The following MKLN1 variants were observed in gnomAD, a reference collection of about 807,000 sequenced individuals.
The protein encoded by MKLN1 is muskelin 1.
A neutral mutation model predicts 99.0 loss-of-function variants in MKLN1; 18 were observed. The observed-to-expected ratio is 0.18, with a 90% confidence interval of 0.13 to 0.27. MKLN1 has a LOEUF of 0.27. MKLN1 is among the 10% of genes least tolerant of loss of function. The probability of loss-of-function intolerance (pLI) is 1.00; values close to 1 mark genes in which losing one functional copy is unlikely to be tolerated. For synonymous variants in MKLN1, 288 were observed against 293.2 expected, an observed-to-expected ratio of 0.98 and a Z score of 0.18; for missense variants, 621 against 875.9, an observed-to-expected ratio of 0.71 and a Z score of 3.67.
chr7:131,411,816 A>C (rs1238729697), intron 7 of MKLN1, among the ~76,000 whole-genome samples: 1 of 145,820 alleles, frequency 6.9e-6, no homozygotes, highest in South Asian at 2.2e-4. Flanking sequence ...CTGGGGTAGG[A>C]GAATCACTTG....
intron 4 of MKLN1, among the ~76,000 whole-genome samples, chr7:131,394,610 G>A (rs1794303267): frequency 6.6e-6 from 1 of 152,046 alleles, no homozygotes; most frequent in South Asian, 2.1e-4. Flanking sequence ...CCAGGGACCT[G>A]TACAGGTTTG....
intron 3 of MKLN1, among the ~76,000 whole-genome samples, chr7:131,263,368 T>TAATAATAATAATAATAAA (rs373239401): frequency 0.084 from 11,673 of 139,674 alleles, 634 homozygotes; most frequent in Non-Finnish European, 0.12. Context: ...ATAATAATAA[T>TAATAATAATAATAATAAA]AATAAAATTA....
rs1332598294 is a variant in MKLN1, at chr7:131,491,343, C to CGAATTCAATCTTGGTGTGAAGATT, written c.*3617_*3618insATTCAATCTTGGTGTGAAGATTGA. On this transcript the variant is annotated 3_prime_UTR_variant, in exon 18 of 18. Coordinates refer to ENST00000352689, the MANE Select transcript of MKLN1 (RefSeq NM_013255.5). ...AAGTTTTGAATTCCTAAGGTAGCCC[C>CGAATTCAATCTTGGTGTGAAGATT]GATCTAGGATGTGAAGGCTGCCCAG... 1 of 151,960 alleles carries CGAATTCAATCTTGGTGTGAAGATT rather than the reference C, an allele frequency of 6.6e-6. No homozygotes were observed. Among genetic ancestry groups the CGAATTCAATCTTGGTGTGAAGATT allele is most frequent in the Non-Finnish European group, 1.5e-5 (1 of 68,004 alleles). The allele number at this position is 151,960 out of a possible 1,614,324, so 9.4% of individuals were successfully genotyped here. A position where few individuals can be genotyped will look rare whatever the true frequency, so the allele number is the denominator to read the frequency against.
chr7:131,403,182 T>A (rs1794599701), intron 6 of MKLN1, among the ~76,000 whole-genome samples: 1 of 152,178 alleles, frequency 6.6e-6, no homozygotes, highest in Admixed American at 6.5e-5. Context: ...ACTTGCTGCA[T>A]CTTCTATAAT....
chr7:131,450,060 A>C (rs544584505), intron 12 of MKLN1, among the ~76,000 whole-genome samples: 1 of 152,014 alleles, frequency 6.6e-6, no homozygotes, highest in Non-Finnish European at 1.5e-5. Context: ...AGTCATGCCA[A>C]TTTTGCCTCA....
chr7:131,294,334 A>G (rs1402770930), intron 3 of MKLN1, among the ~76,000 whole-genome samples: 1 of 152,230 alleles, frequency 6.6e-6, no homozygotes, highest in Non-Finnish European at 1.5e-5. Flanking sequence ...CTAATGCTTC[A>G]ACGGTTAAAA....
At chr7:131,486,226 A>G (rs1797271012) in intron 17 of MKLN1, among the ~76,000 whole-genome samples, 1 of 148,824 alleles carries the variant, frequency 6.7e-6, no homozygotes, top group Non-Finnish European at 1.5e-5. Context: ...TTTTCAAAAT[A>G]AAAAGTTGAA....
At chr7:131,128,710 T>C (rs560002672) in intron 1 of MKLN1, among the ~76,000 whole-genome samples, 129 of 152,104 alleles carry the variant, frequency 8.5e-4, no homozygotes, top group Non-Finnish European at 1.6e-3. Context: ...CTTGAACTCC[T>C]GGGCTCAAGC....
chr7:131,436,806 C>G (rs1563347346), intron 9 of MKLN1, among the ~76,000 whole-genome samples: 2 of 152,076 alleles, frequency 1.3e-5, no homozygotes, highest in African/African-American at 4.8e-5. Context: ...TTATTGGGTC[C>G]TGTGATACAA....
Position 131,487,061 on chromosome 7 carries a change from G to GT in MKLN1, c.2087-544dup, listed in dbSNP as rs1408024936. Among the ~76,000 whole-genome samples the GT allele has an allele frequency of 6.6e-6, 1 of 152,116 alleles. No homozygotes were observed. On this transcript the variant is annotated intron_variant, in intron 17 of 17. Coordinates refer to ENST00000352689, the MANE Select transcript of MKLN1 (RefSeq NM_013255.5). This position sits in a 1 kb window ranked among gnomAD's most constrained non-coding sequence, Gnocchi z 4.7. ...ACATGTATCTCCCTCAGTCGTCTCT[G>GT]TTACCACTCAGTTCCCTGAGACTAC...
chr7:131,385,031 A>T (rs970240868), intron 2 of MKLN1, among the ~76,000 whole-genome samples: 1 of 152,192 alleles, frequency 6.6e-6, no homozygotes, highest in South Asian at 2.1e-4. Context: ...CCCAGTAAGG[A>T]GTATCTCCTT....
chr7:131,138,320 T>C (rs1231393310), intron 1 of MKLN1, among the ~76,000 whole-genome samples: 1 of 152,206 alleles, frequency 6.6e-6, no homozygotes, highest in African/African-American at 2.4e-5. Flanking sequence ...CCTTAATAAA[T>C]ATGTTTATTT....
At chr7:131,235,326 GGA>G (rs5887502) in intron 3 of MKLN1, among the ~76,000 whole-genome samples, 27,339 of 147,768 alleles carry the variant, frequency 0.19, 3,214 homozygotes, top group African/African-American at 0.34. Flanking sequence ...AGAGAGAGAG[GGA>G]GAGAGAGAGA....
rs369583453 is a variant in MKLN1, at chr7:131,272,595, T to C, written c.-179+69621T>C. ...GGAGTAGCAGTGTATTAGTCCATTT[T>C]TATGCTGCTGATAAAGACATACTTG... On this transcript the variant is annotated intron_variant, in intron 3 of 7. Transcript: ENST00000416992. Among the ~76,000 whole-genome samples the C allele has an allele frequency of 1.8e-3, 277 of 152,296 alleles. 1 individual carries two copies. Among genetic ancestry groups the C allele is most frequent in the African/African-American group, 5.3e-3 (221 of 41,574 alleles).
At chr7:131,248,178 G>A (rs1181029280) in intron 3 of MKLN1, among the ~76,000 whole-genome samples, 1 of 151,668 alleles carries the variant, frequency 6.6e-6, no homozygotes, top group African/African-American at 2.4e-5. Context: ...TGCCTCCCTC[G>A]GCCTCCCAAA....
chr7:131,345,018 C>A (rs1799514782), intron 1 of MKLN1, among the ~76,000 whole-genome samples: 1 of 152,130 alleles, frequency 6.6e-6, no homozygotes, highest in South Asian at 2.1e-4. Flanking sequence ...GTTGGCCAGG[C>A]TGGTCTCGAA....
chr7:131,305,574 T>C (rs575180513), intron 3 of MKLN1, among the ~76,000 whole-genome samples: 8 of 152,320 alleles, frequency 5.3e-5, no homozygotes, highest in Admixed American at 1.3e-4. Flanking sequence ...GGGGTGACTC[T>C]TCATCACTGT....
At chr7:131,485,225 A>G (rs1430986523) in intron 17 of MKLN1, among the ~76,000 whole-genome samples, 1 of 152,154 alleles carries the variant, frequency 6.6e-6, no homozygotes, top group Non-Finnish European at 1.5e-5. Context: ...AATCTAGGAC[A>G]ATATGAGTAT....
intron 3 of MKLN1, among the ~76,000 whole-genome samples, chr7:131,308,296 C>T (rs1265046338): frequency 2.1e-5 from 3 of 141,860 alleles, no homozygotes; most frequent in South Asian, 4.6e-4. Context: ...GTATCTTGCT[C>T]TGTCAGCCAG....
Sources: allele counts gnomAD v4.1 joint callset (sites outside exome capture counted in the v4.1 genomes callset), GRCh38; gene constraint gnomAD v4.1.1; non-coding constraint Gnocchi (gnomAD v3.1); transcripts MANE v1.5; gene names NCBI Gene and HGNC (gene_info 2026-07-23, HGNC 2026-07-21).